The following CADPS2 variants were observed in gnomAD, a reference collection of about 807,000 sequenced individuals.
CADPS2 encodes calcium-dependent secretion activator 2.
A neutral mutation model predicts 172.5 loss-of-function variants in CADPS2; 93 were observed. The observed-to-expected ratio is 0.54, with a 90% confidence interval of 0.46 to 0.64. CADPS2 has a LOEUF of 0.64. Ranked by LOEUF, CADPS2 falls within the 30% of genes least tolerant of loss-of-function variation. The pLI is 0.00. For missense variants in CADPS2, 1,420 were observed against 1,565.9 expected (o/e 0.91, Z 1.57); for synonymous variants, 546 against 555.2 (o/e 0.98, Z 0.23).
intron 2 of CADPS2, among the ~76,000 whole-genome samples, chr7:122,715,731 A>G (rs2089500429): frequency 6.6e-6 from 1 of 151,976 alleles, no homozygotes; most frequent in Non-Finnish European, 1.5e-5. Context: ...AGCCAATTGT[A>G]CAAGTACAAA....
chr7:122,710,674 T>G (rs1027390095), intron 2 of CADPS2, among the ~76,000 whole-genome samples: 3 of 152,124 alleles, frequency 2.0e-5, no homozygotes, highest in Non-Finnish European at 4.4e-5. Flanking sequence ...ATTTTCCAGC[T>G]AATAAAATTC....
At chr7:122,727,369 C>T (rs1204868337) in intron 2 of CADPS2, among the ~76,000 whole-genome samples, 5 of 151,732 alleles carry the variant, frequency 3.3e-5, no homozygotes, top group African/African-American at 1.2e-4. Flanking sequence ...TTATTGGCAG[C>T]TACCTAGCTT....
intron 1 of CADPS2, among the ~76,000 whole-genome samples, chr7:122,776,408 C>G (rs1393678573): frequency 2.0e-5 from 3 of 151,936 alleles, no homozygotes; most frequent in Non-Finnish European, 4.4e-5. Context: ...GTAACTACAA[C>G]AGTATAGGTG....
intron 5 of CADPS2, among the ~76,000 whole-genome samples, chr7:122,616,897 G>A (rs1043565685): frequency 2.0e-5 from 3 of 152,088 alleles, no homozygotes; most frequent in Non-Finnish European, 4.4e-5. Context: ...TAATTAAAAG[G>A]CAACTACACT....
chr7:122,488,781 T>C (rs970924485), intron 11 of CADPS2, among the ~76,000 whole-genome samples: 1 of 152,218 alleles, frequency 6.6e-6, no homozygotes, highest in Admixed American at 6.5e-5. Context: ...CTCAGTTGTT[T>C]TGAATTAGCG....
intron 9 of CADPS2, among the ~76,000 whole-genome samples, chr7:122,494,466 C>G (rs1459762982): frequency 6.6e-6 from 1 of 151,432 alleles, no homozygotes; most frequent in Admixed American, 6.6e-5. Context: ...AACATGGGAA[C>G]CTAAGATATA....
At chr7:122,716,841 G>C (rs544953471) in intron 2 of CADPS2, among the ~76,000 whole-genome samples, 2 of 152,070 alleles carry the variant, frequency 1.3e-5, no homozygotes, top group Non-Finnish European at 2.9e-5. Context: ...GGAATGGAGG[G>C]AGGCCCAGAA....
chr7:122,692,527 G>C (rs1028156817), intron 2 of CADPS2, among the ~76,000 whole-genome samples: 14 of 152,260 alleles, frequency 9.2e-5, no homozygotes, highest in East Asian at 1.9e-4. Flanking sequence ...CCTGTCTACT[G>C]CCTCCCACGT....
intron 3 of CADPS2, among the ~76,000 whole-genome samples, chr7:122,629,792 T>C (rs1587965062): frequency 1.3e-5 from 2 of 152,132 alleles, no homozygotes; most frequent in African/African-American, 2.4e-5. Context: ...TTTCTACCAC[T>C]TAAGTCTTCA....
chr7:122,625,949 A>T (rs1449638120), intron 4 of CADPS2, among the ~76,000 whole-genome samples: 1 of 152,214 alleles, frequency 6.6e-6, no homozygotes, highest in Non-Finnish European at 1.5e-5. Flanking sequence ...ACCTGACTAC[A>T]GCAGGGAGAA....
At chr7:122,668,413 A>AAC (rs1554707587) in intron 2 of CADPS2, among the ~76,000 whole-genome samples, 3 of 151,834 alleles carry the variant, frequency 2.0e-5, no homozygotes, top group African/African-American at 7.3e-5. Context: ...AAAAAAAAAA[A>AAC]AAAAACAAAA....
rs1441722684 is a variant in CADPS2, at chr7:122,738,846, A to AG, written c.340-1779dup. On this transcript the variant is annotated intron_variant, in intron 1 of 29. Transcript: ENST00000449022. ...AATTAAAAAGTGTCCTATTGTACCC[A>AG]GGGGGGGAAAAAAAAAAAAAAAAAA... 8.6e-3 allele frequency among the ~76,000 whole-genome samples: 884 copies of AG among 103,176 alleles called. 5 individuals are homozygous for AG. The highest frequency in any genetic ancestry group is 0.023 in the African/African-American group (733 of 31,910). The allele number at this position is 103,176 out of a possible 152,430, so 67.7% of individuals were successfully genotyped here.
At chr7:122,617,904 T>G (rs2430027) in intron 5 of CADPS2, among the ~76,000 whole-genome samples, 151,208 of 152,264 alleles carry the variant, frequency 0.99, 75,085 homozygotes, top group Middle Eastern at 1. Flanking sequence ...TTAGCCTGGC[T>G]TGGTGGCAGG....
chr7:122,655,786 T>G (rs2135137845), intron 3 of CADPS2, among the ~76,000 whole-genome samples: 1 of 152,302 alleles, frequency 6.6e-6, no homozygotes, highest in South Asian at 2.1e-4. Context: ...TATATGTCCT[T>G]ATTTACAGGG....
intron 8 of CADPS2, among the ~76,000 whole-genome samples, chr7:122,516,727 C>T (rs922331898): frequency 1.3e-5 from 2 of 152,028 alleles, no homozygotes; most frequent in African/African-American, 4.8e-5. Context: ...AAAAAGCAGT[C>T]ATACAAATTC....
At chr7:122,469,709 T>C (rs2055649930) in intron 14 of CADPS2, among the ~76,000 whole-genome samples, 1 of 152,166 alleles carries the variant, frequency 6.6e-6, no homozygotes, top group East Asian at 1.9e-4. Flanking sequence ...CAGATATTTA[T>C]TGTGTACCTA....
chr7:122,883,286 C>A (rs1332752628), intron 1 of CADPS2, among the ~76,000 whole-genome samples: 1 of 152,096 alleles, frequency 6.6e-6, no homozygotes, highest in East Asian at 1.9e-4. Context: ...GACTCCTGGC[C>A]TCCTGGGTAA....
intron 22 of CADPS2, among the ~76,000 whole-genome samples, chr7:122,389,292 A>AT (rs1467518424): frequency 6.6e-6 from 1 of 152,012 alleles, no homozygotes; most frequent in Middle Eastern, 3.4e-3. Flanking sequence ...TTTTATTTTC[A>AT]TTTTTTGCTT....
intron 8 of CADPS2, among the ~76,000 whole-genome samples, chr7:122,532,196 T>A (rs1182015256): frequency 6.6e-6 from 1 of 152,184 alleles, no homozygotes; most frequent in African/African-American, 2.4e-5. Flanking sequence ...TCTCAAATTG[T>A]TCCTTTTTGA....
Sources: allele counts gnomAD v4.1 joint callset (sites outside exome capture counted in the v4.1 genomes callset), GRCh38; gene constraint gnomAD v4.1.1; transcripts MANE v1.5; gene names NCBI Gene and HGNC (gene_info 2026-07-23, HGNC 2026-07-21).